Variants in PRPF6 observed in about 807,000 individuals in gnomAD.
The protein encoded by PRPF6 is pre-mRNA processing factor 6.
A neutral mutation model predicts 118.3 loss-of-function variants in PRPF6; 42 were observed. The observed-to-expected ratio is 0.35, with a 90% CI of 0.28 to 0.46. The LOEUF is 0.46. PRPF6 is among the 20% of genes least tolerant of loss of function. The pLI is 1.00. For synonymous variants in PRPF6, 481 were observed against 485.1 expected (o/e 0.99, Z 0.11); for missense variants, 662 against 1,255.7 (o/e 0.53, Z 7.15).
In PRPF6 at chr20:64,029,647, C is replaced by A. The variant is rs1458064530; in HGVS notation, c.2546+156C>A. On this transcript the variant is annotated intron_variant, in intron 19 of 20. Transcript: ENST00000266079. This position sits in a 1 kb window ranked among gnomAD's most constrained non-coding sequence, Gnocchi z 4.8. ...CCGTCGCTCCTGCTGTGGTCTGGGG[C>A]AGGCGCCTCTCCTGGCAGACACACC... Among the ~76,000 whole-genome samples the A allele has an allele frequency of 6.6e-6, 1 of 152,284 alleles. No individual in the cohort carries two copies. The highest frequency in any genetic ancestry group is 1.5e-5 in the Non-Finnish European group (1 of 68,050).
chr20:64,020,099 A>G (rs1052136271), intron 12 of PRPF6, among the ~76,000 whole-genome samples: 4 of 152,208 alleles, frequency 2.6e-5, no homozygotes, highest in African/African-American at 9.6e-5. Flanking sequence ...ACCTTCAGCA[A>G]CAAACTCCTT....
chr20:64,032,712 T>C, intron 20 of PRPF6, 129 bp from the exon 21 acceptor site: 1 of 1,208,644 alleles, frequency 8.3e-7, no homozygotes, highest in East Asian at 2.6e-5. Flanking sequence ...GCAGGGCCTG[T>C]GCCCTCTGGC....
At chr20:64,024,833 C>A in intron 14 of PRPF6, 140 bp downstream of exon 14, 2 of 1,302,146 alleles carry the variant, frequency 1.5e-6, no homozygotes, top group Non-Finnish European at 2.1e-6. Flanking sequence ...GGCTGCTCCA[C>A]AGGAGCAGGG....
intron 19 of PRPF6, among the ~76,000 whole-genome samples, chr20:64,030,026 G>A (rs2059308370): frequency 6.6e-6 from 1 of 152,260 alleles, no homozygotes; most frequent in Non-Finnish European, 1.5e-5. Flanking sequence ...CTGGGGACGT[G>A]ACTCTGGAAC....
intron 1 of PRPF6, among the ~76,000 whole-genome samples, chr20:63,982,109 G>A (rs1377031428): frequency 6.6e-6 from 1 of 152,120 alleles, no homozygotes; most frequent in Non-Finnish European, 1.5e-5. Context: ...GGTTGGAGGG[G>A]CCTTGAGCGT....
intron 20 of PRPF6, 70 bp downstream of exon 20, chr20:64,032,114 G>A (rs984944974): frequency 6.2e-7 from 1 of 1,608,632 alleles, no homozygotes; most frequent in African/African-American, 1.3e-5. Flanking sequence ...CCAGCCCTGG[G>A]GGCTCTAGGA....
At chr20:64,016,635 T>C (rs1206875804) in intron 11 of PRPF6, 88 bp from the exon 12 acceptor site, 1 of 1,549,870 alleles carries the variant, frequency 6.5e-7, no homozygotes, top group Non-Finnish European at 8.8e-7. Context: ...TCTGTCAGTT[T>C]TAACCGTTCA....
rs745862108 is a variant in PRPF6 at position 64,027,649 on chromosome 20, G to T, written c.2252G>T (p.Arg751Leu). 6.2e-7 allele frequency: 1 copy of T among 1,614,090 alleles called. No individual in the cohort carries two copies. Among genetic ancestry groups the T allele is most frequent in the East Asian group, 2.2e-5 (1 of 44,892 alleles). Residue 751 changes from arginine (R) to leucine (L), a missense_variant, in exon 17 of 21, where the codon CGG becomes CTG. Arg to Leu is a moderately radical substitution (Grantham distance 102). Around this residue, in one of 10 missense-constraint regions of PRPF6, gnomAD observed 244 missense variants for 383.7 expected, o/e 0.64. Coordinates refer to ENST00000266079, the MANE Select transcript of PRPF6 (RefSeq NM_012469.4). The surrounding 1 kb of genome is among the most constrained non-coding windows in gnomAD (Gnocchi z 6.5). ...ACACCCCTGTGGCTTTTGCTCTCTC[G>T]GCTGGAGGAGAAGATTGGGCAGCTT... Reference protein sequence around the residue: ...HSTPLWLLLSRLEEKIGQLTR... With the variant: ...HSTPLWLLLSLLEEKIGQLTR...
chr20:64,004,130 A>G (rs1353240611), intron 9 of PRPF6, among the ~76,000 whole-genome samples: 1 of 152,148 alleles, frequency 6.6e-6, no homozygotes, highest in Non-Finnish European at 1.5e-5. Context: ...TCACCACCAG[A>G]TTGTCTGGGT....
In PRPF6 at chr20:64,029,624, G is replaced by A. The variant is rs1322654857; in HGVS notation, c.2546+133G>A. 24 of 793,556 alleles carry A rather than the reference G, an allele frequency of 3.0e-5. No homozygotes were observed. The highest frequency in any genetic ancestry group is 1.8e-4 in the South Asian group (12 of 65,230). The allele number at this position is 793,556 out of a possible 1,614,324, so 49.2% of individuals were successfully genotyped here. On this transcript the variant is annotated intron_variant, in intron 19 of 20. Coordinates refer to ENST00000266079, the MANE Select transcript of PRPF6 (RefSeq NM_012469.4). This position sits in a 1 kb window ranked among gnomAD's most constrained non-coding sequence, Gnocchi z 4.8. ...TGGGCTTCCCCGATCCTCGGCTGCCGTCGCTCCTGCTGTGGTCTGGGGCAG... is the reference window on the plus strand; with the variant it reads ...TGGGCTTCCCCGATCCTCGGCTGCCATCGCTCCTGCTGTGGTCTGGGGCAG...
chr20:64,028,070 G>A lies in PRPF6; in HGVS notation c.2339+334G>A, dbSNP rs1216675228. On this transcript the variant is annotated intron_variant, in intron 17 of 20. Transcript: ENST00000266079. The surrounding 1 kb of genome is among the most constrained non-coding windows in gnomAD (Gnocchi z 6.5). ...AGGAGGTGGCGTGGAGAGCCCTGGA[G>A]GTGGACAGGAGCCTGCTAGGTGCAG... Among the ~76,000 whole-genome samples, 5 of 152,088 alleles carry A rather than the reference G, an allele frequency of 3.3e-5. No individual in the cohort carries two copies. Among genetic ancestry groups the A allele is most frequent in the African/African-American group, 1.2e-4 (5 of 41,400 alleles).
chr20:64,018,421 T>C (rs1255524343), intron 12 of PRPF6, among the ~76,000 whole-genome samples: 1 of 152,152 alleles, frequency 6.6e-6, no homozygotes, highest in African/African-American at 2.4e-5. Flanking sequence ...TTGAGGCTTC[T>C]TGGTGCATCA....
intron 11 of PRPF6, among the ~76,000 whole-genome samples, chr20:64,015,250 G>A (rs919653641): frequency 7.9e-5 from 12 of 152,176 alleles, no homozygotes; most frequent in South Asian, 2.1e-4. Flanking sequence ...AAGAGCCAGC[G>A]CAGTTTGCGT....
At chr20:63,983,637 T>A (rs2059081028) in intron 2 of PRPF6, among the ~76,000 whole-genome samples, 1 of 151,664 alleles carries the variant, frequency 6.6e-6, no homozygotes, top group Admixed American at 6.6e-5. Context: ...GCCTTGGCAT[T>A]TCCTATTGGC....
intron 6 of PRPF6, 132 bp downstream of exon 6, chr20:63,995,614 C>T (rs1239080496): frequency 1.1e-5 from 12 of 1,080,902 alleles, no homozygotes; most frequent in African/African-American, 1.6e-5. Flanking sequence ...TTCTCCTTCT[C>T]CTTTTTTTTT....
At chr20:64,007,654 A>G (rs1247775905) in intron 9 of PRPF6, among the ~76,000 whole-genome samples, 5 of 150,532 alleles carry the variant, frequency 3.3e-5, no homozygotes, top group Non-Finnish European at 7.4e-5. Flanking sequence ...TTTTGTAGAG[A>G]CAGGGTTTCG....
In PRPF6 at chr20:64,027,832, T is replaced by C. The variant is rs567641337; in HGVS notation, c.2339+96T>C. The C allele has an allele frequency of 1.3e-5, 20 of 1,554,908 alleles. No individual in the cohort carries two copies. The East Asian group carries it at 2.5e-4, about 19-fold the overall frequency. On this transcript the variant is annotated intron_variant, in intron 17 of 20. Transcript: ENST00000266079. The surrounding 1 kb of genome is among the most constrained non-coding windows in gnomAD (Gnocchi z 6.5). Reference sequence around the variant, plus strand: ...TGCTTGTGTGGAGTCACTCGTGCAGTGCTTCCAGGCTCAGGGGCTTGGGGG... The same window carrying C: ...TGCTTGTGTGGAGTCACTCGTGCAGCGCTTCCAGGCTCAGGGGCTTGGGGG...
intron 9 of PRPF6, among the ~76,000 whole-genome samples, chr20:64,004,902 G>A (rs1033431436): frequency 6.6e-6 from 1 of 152,220 alleles, no homozygotes; most frequent in Non-Finnish European, 1.5e-5. Flanking sequence ...CCTGTGAAGC[G>A]TGGCATCCTT....
intron 1 of PRPF6, among the ~76,000 whole-genome samples, chr20:63,981,643 T>TCCCCGCCCC (rs2059068193): frequency 8.0e-6 from 1 of 124,340 alleles, no homozygotes; most frequent in Non-Finnish European, 1.7e-5. Context: ...GGGCTGACAC[T>TCCCCGCCCC]CCCCCCCCCC....
Sources: gnomAD v4.1 joint callset for allele counts (sites outside exome capture counted in the v4.1 genomes callset) on GRCh38, gnomAD v4.1.1 for gene constraint, gnomAD v4.1.1 regional missense constraint, Gnocchi (gnomAD v3.1) non-coding constraint, MANE v1.5 for transcripts, NCBI Gene and HGNC (gene_info 2026-07-23, HGNC 2026-07-21) for gene names.